Variants in TFEC observed in about 807,000 individuals in gnomAD.
The protein encoded by TFEC is transcription factor EC, also known as class E basic helix-loop-helix protein 34.
In TFEC, 31 loss-of-function variants were observed where a neutral mutation model predicts 41.6. That is an observed-to-expected ratio of 0.74 (90% confidence interval 0.56 to 1.01). TFEC has a LOEUF of 1.01. Among genes scored for constraint, TFEC ranks in the 50% least tolerant of loss-of-function variants. TFEC has a pLI of 0.00. For synonymous variants in TFEC, 143 were observed against 140.6 expected, an observed-to-expected ratio of 1.02 and a Z score of -0.12; for missense variants, 402 against 404.1, an observed-to-expected ratio of 0.99 and a Z score of 0.04.
chr7:116,040,419 T>G (rs1796008210), intron 3 of TFEC, among the ~76,000 whole-genome samples: 1 of 152,140 alleles, frequency 6.6e-6, no homozygotes. Flanking sequence ...TTCTTTGGCT[T>G]TCGAAGAGAG....
At chr7:115,982,148 G>A (rs1793657087) in intron 2 of TFEC, among the ~76,000 whole-genome samples, 1 of 151,892 alleles carries the variant, frequency 6.6e-6, no homozygotes, top group Admixed American at 6.6e-5. Flanking sequence ...TATGATTTCT[G>A]GGGTCTTCTT....
chr7:116,077,772 A>G (rs1342617956), intron 3 of TFEC, among the ~76,000 whole-genome samples: 2 of 152,136 alleles, frequency 1.3e-5, no homozygotes, highest in African/African-American at 4.8e-5. Flanking sequence ...TCCAAAATTT[A>G]TAGAACAATT....
At chr7:116,110,872 G>A in exon 3 of TFEC, 1 of 1,540,058 alleles carries the variant, frequency 6.5e-7, no homozygotes, top group Non-Finnish European at 8.7e-7. Context: ...TGTTCTTTCA[G>A]CTGAAATTGA....
At chr7:116,109,056 T>G (rs2116063763) in intron 3 of TFEC, among the ~76,000 whole-genome samples, 1 of 152,008 alleles carries the variant, frequency 6.6e-6, no homozygotes, top group Admixed American at 6.6e-5. Flanking sequence ...TCCTTACACC[T>G]TATACAAAAA....
intron 3 of TFEC, among the ~76,000 whole-genome samples, chr7:115,963,025 C>T (rs1792647503): frequency 6.6e-6 from 1 of 151,572 alleles, no homozygotes; most frequent in Admixed American, 6.6e-5. Context: ...CGACCAGCCC[C>T]GGTGTTTGAT....
chr7:115,974,297 TA>T, intron 2 of TFEC, 41 bp from the exon 3 acceptor site: 1 of 1,419,010 alleles, frequency 7.0e-7, no homozygotes, highest in South Asian at 1.7e-5. Context: ...TACATAATGA[TA>T]AAAGTTGTGC....
chr7:116,018,483 C>G (rs929324098), intron 1 of TFEC, among the ~76,000 whole-genome samples: 3 of 151,966 alleles, frequency 2.0e-5, no homozygotes, highest in African/African-American at 7.3e-5. Context: ...AAGATACAAG[C>G]AAGAAAGGGT....
chr7:115,949,677 T>C (rs1307798881), intron 6 of TFEC, among the ~76,000 whole-genome samples: 2 of 151,944 alleles, frequency 1.3e-5, no homozygotes, highest in Non-Finnish European at 2.9e-5. Flanking sequence ...ATCCCTTCCT[T>C]ACACCTTATA....
chr7:116,041,051 T>C (rs1413196774), intron 3 of TFEC, among the ~76,000 whole-genome samples: 2 of 152,148 alleles, frequency 1.3e-5, no homozygotes, highest in Non-Finnish European at 1.5e-5. Flanking sequence ...ATCTATCTCC[T>C]GTCATGACAC....
intron 1 of TFEC, among the ~76,000 whole-genome samples, chr7:115,994,101 G>A (rs149461705): frequency 1.2e-3 from 190 of 152,280 alleles, no homozygotes; most frequent in African/African-American, 4.5e-3. Flanking sequence ...AACCAGAAAT[G>A]GGGGAAGGAT....
chr7:116,031,603 G>A (rs1321502069), upstream of TFEC, among the ~76,000 whole-genome samples: 1 of 152,086 alleles, frequency 6.6e-6, no homozygotes, highest in East Asian at 1.9e-4. Flanking sequence ...TATATGCAAA[G>A]CAAGGCATTT....
chr7:115,941,748 G>A (rs564950475), intron 7 of TFEC, 145 bp downstream of exon 7: 56 of 1,088,100 alleles, frequency 5.1e-5, no homozygotes, highest in Admixed American at 1.1e-4. Context: ...CCCAATTCAC[G>A]AACTTCTAAA....
intron 3 of TFEC, among the ~76,000 whole-genome samples, chr7:115,960,459 G>A (rs937476440): frequency 1.3e-5 from 2 of 151,502 alleles, no homozygotes; most frequent in Admixed American, 6.6e-5. Flanking sequence ...AAAATTGATC[G>A]AATATCTTGG....
At chr7:116,004,123 C>A (rs1794700217) in intron 1 of TFEC, among the ~76,000 whole-genome samples, 1 of 151,598 alleles carries the variant, frequency 6.6e-6, no homozygotes, top group South Asian at 2.1e-4. Flanking sequence ...GGAATAATAA[C>A]AATTAAAGAA....
chr7:116,031,975 A>AT (rs1795795035), upstream of TFEC, among the ~76,000 whole-genome samples: 1 of 152,158 alleles, frequency 6.6e-6, no homozygotes, highest in Admixed American at 6.6e-5. Context: ...AATATTTGGG[A>AT]TTTTAACTCA....
intron 1 of TFEC, among the ~76,000 whole-genome samples, chr7:116,002,655 A>C (rs1794642876): frequency 6.6e-6 from 1 of 152,184 alleles, no homozygotes. Flanking sequence ...TGTACATTTA[A>C]AAATAAGTAA....
At chr7:116,003,586 C>T (rs1034829565) in intron 1 of TFEC, among the ~76,000 whole-genome samples, 1 of 151,930 alleles carries the variant, frequency 6.6e-6, no homozygotes, top group Non-Finnish European at 1.5e-5. Flanking sequence ...ATCCGACAGG[C>T]AGAAAATCAG....
chr7:116,094,707 A>G (rs534110952), intron 3 of TFEC, among the ~76,000 whole-genome samples: 1 of 152,206 alleles, frequency 6.6e-6, no homozygotes, highest in East Asian at 1.9e-4. Context: ...ATAAAAACAA[A>G]CAAACAAAAA....
intron 1 of TFEC, among the ~76,000 whole-genome samples, chr7:116,010,655 G>GA (rs1794966351): frequency 4.6e-5 from 7 of 152,252 alleles, no homozygotes; most frequent in Admixed American, 2.6e-4. Context: ...ATTGAAGGAA[G>GA]AACCTACTTA....
Sources: gnomAD v4.1 joint callset for allele counts (sites outside exome capture counted in the v4.1 genomes callset) on GRCh38, gnomAD v4.1.1 for gene constraint, MANE v1.5 for transcripts, NCBI Gene and HGNC (gene_info 2026-07-23, HGNC 2026-07-21) for gene names.